Variants in CLPB observed in about 807,000 individuals in gnomAD.
CLPB encodes the protein mitochondrial disaggregase.
Under a neutral mutation model 78.4 loss-of-function variants are expected in CLPB, and 40 were observed. The observed-to-expected ratio is 0.51, with a 90% CI of 0.40 to 0.66. The LOEUF is 0.66. Among genes scored for constraint, CLPB ranks in the 30% least tolerant of loss-of-function variants. CLPB has a pLI of 0.00. For synonymous variants in CLPB, 333 were observed against 348.0 expected (o/e 0.96, Z 0.48); for missense variants, 780 against 886.9 (o/e 0.88, Z 1.53).
intron 5 of CLPB, among the ~76,000 whole-genome samples, chr11:72,356,058 G>T (rs868219854): frequency 6.6e-6 from 1 of 152,048 alleles, no homozygotes; most frequent in African/African-American, 2.4e-5. Context: ...GAGGCGGGCG[G>T]ATCACCTGAG....
At chr11:72,420,499 A>G (rs571682585) in intron 2 of CLPB, among the ~76,000 whole-genome samples, 38 of 134,738 alleles carry the variant, frequency 2.8e-4, no homozygotes, top group East Asian at 1.8e-3. Context: ...ATCTCAGGGG[A>G]AAAAAAAAAA....
intron 5 of CLPB, chr11:72,337,042 A>G: frequency 2.5e-6 from 1 of 398,658 alleles, no homozygotes; most frequent in Non-Finnish European, 4.4e-6. Flanking sequence ...CTGGCCTGCC[A>G]CTTTCATATC....
chr11:72,396,267 T>C (rs889641204), intron 3 of CLPB, among the ~76,000 whole-genome samples: 2 of 152,062 alleles, frequency 1.3e-5, no homozygotes, highest in Non-Finnish European at 2.9e-5. Flanking sequence ...ACTGATGAAA[T>C]GCACTCGGGG....
chr11:72,415,892 A>G (rs570719796), intron 2 of CLPB, among the ~76,000 whole-genome samples: 1 of 152,340 alleles, frequency 6.6e-6, no homozygotes, highest in East Asian at 1.9e-4. Flanking sequence ...GAGGGCACCA[A>G]AACTTTCTAG....
intron 12 of CLPB, 116 bp downstream of exon 12, chr11:72,295,376 G>A: frequency 1.8e-6 from 2 of 1,098,676 alleles, no homozygotes; most frequent in South Asian, 3.1e-5. Flanking sequence ...GTCAGCTAGG[G>A]ACAGAGCTGC....
At position 72,406,799 on chromosome 11, in the gene CLPB, A is replaced by G. The variant is rs575719510; in HGVS notation, c.456-3747T>C. Among the ~76,000 whole-genome samples the G allele has an allele frequency of 7.9e-5, 12 of 152,296 alleles. No homozygotes were observed. The East Asian group carries it at 2.3e-3, about 29-fold the overall frequency. ...GCTGGCTACTGGGGAGGAGACAGAGAGAGAGGTTCTTGCTTTCCAAGACCT... is the reference window on the plus strand; with the variant it reads ...GCTGGCTACTGGGGAGGAGACAGAGGGAGAGGTTCTTGCTTTCCAAGACCT... On this transcript the variant is annotated intron_variant, in intron 2 of 15. Transcript: ENST00000538039.
Position 72,293,668 on chromosome 11 carries a change from G to A in CLPB, c.1786-53C>T, listed in dbSNP as rs551872828. 163 of 1,566,228 alleles carry A rather than the reference G, an allele frequency of 1.0e-4. No individual in the cohort carries two copies. The Admixed American group carries it at 2.8e-3, about 27-fold the overall frequency. On this transcript the variant is annotated intron_variant, in intron 15 of 15. Transcript: ENST00000538039. Reference sequence around the variant, plus strand: ...TCCCTCGGCCTGGACCCAGCTTGGAGGTCGGCCTCCATCACTTACTGCTAG... The same window carrying A: ...TCCCTCGGCCTGGACCCAGCTTGGAAGTCGGCCTCCATCACTTACTGCTAG...
At chr11:72,350,300 T>C (rs899584083) in intron 5 of CLPB, among the ~76,000 whole-genome samples, 2 of 152,256 alleles carry the variant, frequency 1.3e-5, no homozygotes, top group South Asian at 4.2e-4. Flanking sequence ...GGATGACTAA[T>C]GGACATCCCT....
At position 72,295,671 on chromosome 11, in the gene CLPB, G is replaced by A. The variant is rs376569043; in HGVS notation, c.1330-23C>T. The A allele has an allele frequency of 4.3e-5, 69 of 1,612,716 alleles. No individual in the cohort carries two copies. The African/African-American group carries it at 8.5e-4, about 20-fold the overall frequency. On this transcript the variant is annotated intron_variant, in intron 11 of 15. Coordinates refer to ENST00000538039, the MANE Select transcript of CLPB (RefSeq NM_001258392.3). The stretch of plus-strand genomic sequence containing the variant: ...GCCCTGGGAAGGGAAGGAAGGGAGT[G>A]TACAGTCAGGGAGCTATGTGCCTGG...
intron 2 of CLPB, among the ~76,000 whole-genome samples, chr11:72,429,831 G>T (rs528939683): frequency 6.6e-6 from 1 of 152,196 alleles, no homozygotes; most frequent in Non-Finnish European, 1.5e-5. Context: ...GTCTGTCCCC[G>T]GGCAAAGCCA....
chr11:72,323,035 A>G (rs1015143321), intron 6 of CLPB, among the ~76,000 whole-genome samples: 1 of 152,220 alleles, frequency 6.6e-6, no homozygotes, highest in Non-Finnish European at 1.5e-5. Flanking sequence ...ACCTGGAGAT[A>G]AGGAAAGACT....
chr11:72,359,199 A>C, intron 4 of CLPB, 191 bp from the exon 5 acceptor site: 2 of 740,276 alleles, frequency 2.7e-6, no homozygotes, highest in East Asian at 2.8e-5. Context: ...TAGTTCCACA[A>C]TGTTTACTGA....
At chr11:72,323,068 T>C (rs1950071357) in intron 6 of CLPB, among the ~76,000 whole-genome samples, 1 of 152,172 alleles carries the variant, frequency 6.6e-6, no homozygotes, top group South Asian at 2.1e-4. Flanking sequence ...GTTCAGTCTG[T>C]TTAGGAAGAT....
intron 1 of CLPB, among the ~76,000 whole-genome samples, chr11:72,430,894 C>A (rs1197641020): frequency 1.3e-5 from 2 of 152,138 alleles, no homozygotes; most frequent in Non-Finnish European, 2.9e-5. Flanking sequence ...AGCTCCATTC[C>A]ACTCCCACTA....
intron 2 of CLPB, among the ~76,000 whole-genome samples, chr11:72,420,773 G>A (rs902403887): frequency 7.9e-5 from 12 of 152,146 alleles, no homozygotes; most frequent in African/African-American, 2.7e-4. Flanking sequence ...GGAAATTTTC[G>A]TTTTTTAAAG....
At chr11:72,314,071 TTA>T (rs1278168497) in intron 7 of CLPB, among the ~76,000 whole-genome samples, 1 of 152,036 alleles carries the variant, frequency 6.6e-6, no homozygotes, top group Non-Finnish European at 1.5e-5. Context: ...CTTGGGAAGA[TTA>T]TGTTTTTGGG....
intron 4 of CLPB, among the ~76,000 whole-genome samples, chr11:72,364,516 T>C (rs55888146): frequency 0.062 from 9,378 of 151,828 alleles, 414 homozygotes; most frequent in African/African-American, 0.12. Flanking sequence ...CAAAAAATTT[T>C]TTTTTATTAA....
At chr11:72,300,888 ATCT>A (rs1161859254) in intron 11 of CLPB, among the ~76,000 whole-genome samples, 2 of 152,156 alleles carry the variant, frequency 1.3e-5, no homozygotes, top group African/African-American at 4.8e-5. Flanking sequence ...GGTGGAAGTC[ATCT>A]TCTTCCGTGA....
intron 7 of CLPB, among the ~76,000 whole-genome samples, chr11:72,311,574 T>C (rs1949848031): frequency 6.6e-6 from 1 of 152,160 alleles, no homozygotes; most frequent in African/African-American, 2.4e-5. Flanking sequence ...GCCTGCGCTG[T>C]ACTATGGGAG....
Sources: gnomAD v4.1 joint callset for allele counts (sites outside exome capture counted in the v4.1 genomes callset) on GRCh38, gnomAD v4.1.1 for gene constraint, MANE v1.5 for transcripts, NCBI Gene and HGNC (gene_info 2026-07-23, HGNC 2026-07-21) for gene names.